The following NRXN3 variants were observed in gnomAD, a reference collection of about 807,000 sequenced individuals.
NRXN3 encodes the protein neurexin 3.
In NRXN3, 32 loss-of-function variants were observed where a neutral mutation model predicts 137.6. The observed-to-expected ratio is 0.23, with a 90% CI of 0.18 to 0.31. The LOEUF is 0.31. Ranked by LOEUF, NRXN3 falls within the 10% of genes least tolerant of loss-of-function variation. The probability of loss-of-function intolerance (pLI) is 1.00; values close to 1 mark genes in which losing one functional copy is unlikely to be tolerated. For missense variants in NRXN3, 1,574 were observed against 2,062.5 expected, an observed-to-expected ratio of 0.76 and a Z score of 4.59; for synonymous variants, 798 against 784.5, an observed-to-expected ratio of 1.02 and a Z score of -0.29.
intron 15 of NRXN3, among the ~76,000 whole-genome samples, chr14:79,062,001 A>G (rs753445211): frequency 9.9e-5 from 15 of 152,194 alleles, no homozygotes; most frequent in Non-Finnish European, 1.9e-4. Flanking sequence ...ATAAGTAGGA[A>G]GCTGTTAGGA....
chr14:78,679,664 A>G (rs913665177), intron 6 of NRXN3, among the ~76,000 whole-genome samples: 24 of 152,168 alleles, frequency 1.6e-4, no homozygotes, highest in Non-Finnish European at 4.4e-5. Context: ...TAATGCTACA[A>G]TGGCCTTCTA....
At chr14:78,378,678 G>GA (rs1464502310) in intron 4 of NRXN3, among the ~76,000 whole-genome samples, 12 of 151,922 alleles carry the variant, frequency 7.9e-5, no homozygotes, top group African/African-American at 2.9e-4. Context: ...TAGAAAAGAG[G>GA]AAAAGTCTCA....
In NRXN3 at chr14:78,329,807, C is replaced by T. The variant is rs576543193; in HGVS notation, c.757+31947C>T. Among the ~76,000 whole-genome samples, 56 of 152,188 alleles carry T rather than the reference C, an allele frequency of 3.7e-4. No homozygotes were observed. The South Asian group carries it at 1.0e-2, about 27-fold the overall frequency. On this transcript the variant is annotated intron_variant, in intron 4 of 20. Transcript: ENST00000335750. ...TCTGCTCTTTAAATGTTTCTTGATTCGACAAATGAAAGAAGACAATAGGAA... is the reference window on the plus strand; with the variant it reads ...TCTGCTCTTTAAATGTTTCTTGATTTGACAAATGAAAGAAGACAATAGGAA...
intron 15 of NRXN3, among the ~76,000 whole-genome samples, chr14:79,237,499 G>C (rs572161745): frequency 6.6e-6 from 1 of 152,222 alleles, no homozygotes; most frequent in South Asian, 2.1e-4. Context: ...GCTGTGGAAG[G>C]CATGGAGTTT....
At chr14:78,233,469 C>T (rs2065735690) in intron 1 of NRXN3, among the ~76,000 whole-genome samples, 2 of 152,088 alleles carry the variant, frequency 1.3e-5, no homozygotes, top group Admixed American at 6.5e-5. Flanking sequence ...TATTGTATTC[C>T]ATGTATAGAC....
intron 15 of NRXN3, among the ~76,000 whole-genome samples, chr14:79,423,088 A>G (rs2095605099): frequency 6.6e-6 from 1 of 152,142 alleles, no homozygotes; most frequent in Non-Finnish European, 1.5e-5. Flanking sequence ...TCAGTCAGTT[A>G]GCTTCAACTC....
chr14:78,322,924 C>T (rs779270114), intron 4 of NRXN3, among the ~76,000 whole-genome samples: 2 of 152,046 alleles, frequency 1.3e-5, no homozygotes, highest in Non-Finnish European at 2.9e-5. Flanking sequence ...ATCTTCCCCG[C>T]ACTATGCCTT....
In NRXN3 at chr14:79,645,034, C is replaced by G. The variant is rs991586901; in HGVS notation, c.3445-18744C>G. ...GTCCACTTGTTAACATCATAGCATGCACATTGGACCATCTCCTCTGTGTTC... is the reference window on the plus strand; with the variant it reads ...GTCCACTTGTTAACATCATAGCATGGACATTGGACCATCTCCTCTGTGTTC... On this transcript the variant is annotated intron_variant, in intron 16 of 20. Coordinates refer to ENST00000335750, the MANE Select transcript of NRXN3 (RefSeq NM_001330195.2). Among the ~76,000 whole-genome samples, 26 of 135,814 alleles carry G rather than the reference C, an allele frequency of 1.9e-4. 8 individuals are homozygous for G. Among genetic ancestry groups the G allele is most frequent in the Non-Finnish European group, 4.4e-4 (26 of 58,438 alleles). The allele number at this position is 135,814 out of a possible 152,430, so 89.1% of individuals were successfully genotyped here.
In NRXN3 at chr14:79,257,889, A is replaced by G. The variant is rs149492767; in HGVS notation, c.3263-209332A>G. Among the ~76,000 whole-genome samples the G allele has an allele frequency of 1.9e-3, 289 of 152,166 alleles. 1 individual carries two copies. The highest frequency in any genetic ancestry group is 6.7e-3 in the African/African-American group (279 of 41,498). On this transcript the variant is annotated intron_variant, in intron 15 of 20. Transcript: ENST00000335750. The stretch of plus-strand genomic sequence containing the variant: ...CTTATAGGCCGAGAAATTATACAAT[A>G]AGGAAAATGATTCTTATTCAATTTT...
chr14:79,267,937 C>G (rs760547008), intron 15 of NRXN3, among the ~76,000 whole-genome samples: 1 of 152,158 alleles, frequency 6.6e-6, no homozygotes, highest in Non-Finnish European at 1.5e-5. Context: ...GAATGGGGCT[C>G]TCATATAATT....
At chr14:79,292,040 G>T (rs891634710) in intron 15 of NRXN3, among the ~76,000 whole-genome samples, 6 of 152,120 alleles carry the variant, frequency 3.9e-5, no homozygotes, top group African/African-American at 1.4e-4. Flanking sequence ...GCCCCAGAGG[G>T]TTAAGCAACT....
chr14:79,768,791 G>A (rs1394621415), intron 19 of NRXN3, among the ~76,000 whole-genome samples: 1 of 152,242 alleles, frequency 6.6e-6, no homozygotes, highest in Non-Finnish European at 1.5e-5. Flanking sequence ...TTGACGAGCT[G>A]AGAGAAGAAA....
chr14:79,380,107 C>T (rs147950428), intron 15 of NRXN3, among the ~76,000 whole-genome samples: 2 of 149,914 alleles, frequency 1.3e-5, no homozygotes, highest in Non-Finnish European at 3.0e-5. Context: ...AGGGAAACAC[C>T]GGTGCACTGG....
At chr14:79,662,489 G>A (rs1321327277) in intron 16 of NRXN3, among the ~76,000 whole-genome samples, 1 of 152,114 alleles carries the variant, frequency 6.6e-6, no homozygotes, top group East Asian at 1.9e-4. Context: ...TATGCTTTGT[G>A]TTTTAGTGCA....
At chr14:79,192,766 T>TG (rs2064567056) in intron 15 of NRXN3, among the ~76,000 whole-genome samples, 1 of 6,724 alleles carries the variant, frequency 1.5e-4, no homozygotes, top group South Asian at 0.015. Context: ...ATTCTCTTAA[T>TG]TTTTTTTTTT....
At chr14:79,452,751 C>A (rs533385729) in intron 15 of NRXN3, among the ~76,000 whole-genome samples, 58 of 152,238 alleles carry the variant, frequency 3.8e-4, no homozygotes, top group Admixed American at 2.7e-3. Flanking sequence ...TGTAATTAGG[C>A]AGGAGAAATG....
At chr14:79,495,745 T>G (rs908552124) in intron 16 of NRXN3, among the ~76,000 whole-genome samples, 10 of 152,102 alleles carry the variant, frequency 6.6e-5, no homozygotes, top group African/African-American at 2.4e-4. Flanking sequence ...TGAATAATCT[T>G]CCAAAATCTT....
intron 10 of NRXN3, among the ~76,000 whole-genome samples, chr14:78,821,694 T>TA (rs368393400): frequency 1.4e-3 from 197 of 141,474 alleles, no homozygotes; most frequent in South Asian, 5.8e-3. Context: ...GGAAGATGGA[T>TA]AAAAAAAAAA....
At chr14:78,477,501 C>T (rs1364356163) in intron 4 of NRXN3, among the ~76,000 whole-genome samples, 5 of 152,280 alleles carry the variant, frequency 3.3e-5, no homozygotes, top group East Asian at 1.9e-4. Context: ...CCTTATGTTT[C>T]TCCAAAGAAG....
Sources: allele counts gnomAD v4.1 joint callset (sites outside exome capture counted in the v4.1 genomes callset), GRCh38; gene constraint gnomAD v4.1.1; transcripts MANE v1.5; gene names NCBI Gene and HGNC (gene_info 2026-07-23, HGNC 2026-07-21).